ROPN1L: variants seen among roughly 807,000 people sequenced by gnomAD.
ROPN1L encodes rhophilin associated tail protein 1 like.
Under a neutral mutation model 22.7 loss-of-function variants are expected in ROPN1L, and 23 were observed. That is an observed-to-expected ratio of 1.01 (90% CI 0.73 to 1.43). ROPN1L has a LOEUF of 1.43. ROPN1L is among the 40% of genes most tolerant of loss of function. The pLI is 0.00. For synonymous variants in ROPN1L, 116 were observed against 117.8 expected (o/e 0.98, Z 0.10); for missense variants, 271 against 291.5 (o/e 0.93, Z 0.51).
At chr5:10,454,002 C>T (rs1741339945) in intron 3 of ROPN1L, among the ~76,000 whole-genome samples, 2 of 152,196 alleles carry the variant, frequency 1.3e-5, no homozygotes, top group Non-Finnish European at 1.5e-5. Context: ...CTGTGAGCTG[C>T]CCCAGGCAGG....
At chr5:10,455,367 C>A (rs1034124778) in intron 3 of ROPN1L, among the ~76,000 whole-genome samples, 1 of 152,240 alleles carries the variant, frequency 6.6e-6, no homozygotes, top group African/African-American at 2.4e-5. Context: ...GAAGAAGACA[C>A]AGCCACGCCC....
chr5:10,445,179 C>T (rs1390660826), intron 1 of ROPN1L, among the ~76,000 whole-genome samples: 6 of 152,094 alleles, frequency 3.9e-5, no homozygotes, highest in Non-Finnish European at 8.8e-5. Flanking sequence ...ACCATGTTGG[C>T]CACGCTGGTC....
At chr5:10,464,544 T>G (rs1735115795) in intron 4 of ROPN1L, among the ~76,000 whole-genome samples, 1 of 152,216 alleles carries the variant, frequency 6.6e-6, no homozygotes, top group Admixed American at 6.5e-5. Context: ...TCCAAAGAAC[T>G]GGGACCCTGT....
rs751713782 is a variant in ROPN1L, at chr5:10,448,272, T to G, written c.144T>G (p.Ala48=). ...VLRWSAGYFS[A]LSRGDPLPVK... is the part of the protein sequence containing the mutation. The stretch of plus-strand genomic sequence containing the variant: ...TGTTATTTATTAGCTATTTTTCAGC[T>G]CTGTCGAGAGGAGATCCACTTCCTG... The change falls in exon 2 of 5, where the codon GCT becomes GCG. Residue 48 remains alanine, a synonymous_variant. Transcript: ENST00000274134. 1 of 1,614,070 alleles carries G rather than the reference T, an allele frequency of 6.2e-7. No individual in the cohort carries two copies.
At chr5:10,447,487 T>C (rs1741107094) in intron 1 of ROPN1L, among the ~76,000 whole-genome samples, 1 of 152,176 alleles carries the variant, frequency 6.6e-6, no homozygotes, top group Admixed American at 6.5e-5. Flanking sequence ...TGGAAGTAGG[T>C]GACCTGTGTG....
chr5:10,442,799 A>G (rs1002813525), intron 1 of ROPN1L, among the ~76,000 whole-genome samples: 2 of 152,212 alleles, frequency 1.3e-5, no homozygotes, highest in Non-Finnish European at 2.9e-5. Context: ...TCATCCCTAG[A>G]GTGCTCAGGG....
At chr5:10,459,170 T>C (rs1047196976) in intron 3 of ROPN1L, among the ~76,000 whole-genome samples, 6 of 151,914 alleles carry the variant, frequency 3.9e-5, no homozygotes, top group Admixed American at 1.3e-4. Context: ...TTTTCATGGT[T>C]CTGTCTCTGC....
chr5:10,462,762 C>T (rs1735060534), intron 4 of ROPN1L, among the ~76,000 whole-genome samples: 1 of 152,098 alleles, frequency 6.6e-6, no homozygotes, highest in Non-Finnish European at 1.5e-5. Flanking sequence ...TGGTGGGTGC[C>T]TGTAATCCCA....
At chr5:10,443,614 G>A (rs1010593024) in intron 1 of ROPN1L, among the ~76,000 whole-genome samples, 23 of 150,570 alleles carry the variant, frequency 1.5e-4, no homozygotes, top group African/African-American at 5.4e-4. Context: ...GGGCGACAGA[G>A]CGAGACTCCG....
downstream of ROPN1L, among the ~76,000 whole-genome samples, chr5:10,468,753 G>C (rs1735197147): frequency 6.6e-6 from 1 of 152,212 alleles, no homozygotes. Context: ...GGGATTGATA[G>C]GGGCTCCAGT....
At chr5:10,463,685 A>G (rs2567573) in intron 4 of ROPN1L, among the ~76,000 whole-genome samples, 29,375 of 152,162 alleles carry the variant, frequency 0.19, 4,030 homozygotes, top group East Asian at 0.66. Flanking sequence ...TGTGCCAGGC[A>G]TTGGCGCAGG....
downstream of ROPN1L, among the ~76,000 whole-genome samples, chr5:10,473,881 A>G (rs1270667173): frequency 1.3e-5 from 2 of 152,170 alleles, no homozygotes; most frequent in East Asian, 3.9e-4. Context: ...GCTGGGCGCA[A>G]TGGTTCATGC....
downstream of ROPN1L, chr5:10,465,038 TGTGA>T: frequency 1.6e-6 from 1 of 627,106 alleles, no homozygotes; most frequent in African/African-American, 1.9e-5. Flanking sequence ...ACCTCTGTAG[TGTGA>T]GTGTTTCTCT....
chr5:10,465,632 T>C (rs1735141095), downstream of ROPN1L, among the ~76,000 whole-genome samples: 1 of 151,590 alleles, frequency 6.6e-6, no homozygotes, highest in Admixed American at 6.6e-5. Flanking sequence ...GGAGGATCAC[T>C]TGAGTCAGTA....
intron 3 of ROPN1L, among the ~76,000 whole-genome samples, chr5:10,458,806 A>G (rs113903004): frequency 1.5e-3 from 3 of 2,064 alleles, no homozygotes; most frequent in African/African-American, 1.9e-3. Context: ...CATCCCGCCC[A>G]TGTACACCAT....
intron 3 of ROPN1L, among the ~76,000 whole-genome samples, chr5:10,459,596 C>G (rs973770943): frequency 2.6e-5 from 4 of 152,120 alleles, no homozygotes; most frequent in African/African-American, 9.7e-5. Context: ...CTCTAGCTAC[C>G]TGGAGCTCCT....
chr5:10,450,003 A>G lies in ROPN1L; in HGVS notation c.307A>G (p.Asn103Asp). The part of the protein sequence containing the change: ...ELTDLEQKWK[N>D]LCLPKEKFKA... The stretch of plus-strand genomic sequence containing the variant: ...AACAGATCTTGAGCAGAAGTGGAAG[A>G]ACTTGTGCCTGCCGAAGGAAAAATT... The change falls in exon 3 of 5, where the codon AAC becomes GAC. Residue 103 changes from asparagine to aspartate, a missense_variant. By Grantham distance (23) the Asn-to-Asp change is conservative. Transcript: ENST00000274134. 1 of 1,613,854 alleles carries G rather than the reference A, an allele frequency of 6.2e-7. No homozygotes were observed. Among genetic ancestry groups the G allele is most frequent in the Non-Finnish European group, 8.5e-7 (1 of 1,179,754 alleles).
At chr5:10,452,022 T>G (rs983875192) in intron 3 of ROPN1L, among the ~76,000 whole-genome samples, 1 of 152,138 alleles carries the variant, frequency 6.6e-6, no homozygotes, top group African/African-American at 2.4e-5. Flanking sequence ...AGTCTCACTG[T>G]GTCACCCAGG....
At chr5:10,442,382 C>G in intron 1 of ROPN1L, 84 bp downstream of exon 1, 1 of 1,555,628 alleles carries the variant, frequency 6.4e-7, no homozygotes, top group Non-Finnish European at 8.7e-7. Context: ...GGACCAGGGG[C>G]CTTACGCGGC....
Sources: gnomAD v4.1 joint callset for allele counts (sites outside exome capture counted in the v4.1 genomes callset) on GRCh38, gnomAD v4.1.1 for gene constraint, MANE v1.5 for transcripts, NCBI Gene and HGNC (gene_info 2026-07-23, HGNC 2026-07-21) for gene names.